MAP3K5: variants seen among roughly 807,000 people sequenced by gnomAD.
MAP3K5 encodes ASK-1.
Under a neutral mutation model 158.7 loss-of-function variants are expected in MAP3K5, and 56 were observed. That is an observed-to-expected ratio of 0.35 (90% CI 0.28 to 0.44). MAP3K5 has a LOEUF of 0.44. Among genes scored for constraint, MAP3K5 ranks in the 20% least tolerant of loss-of-function variants. The pLI is 1.00. For synonymous variants in MAP3K5, 579 were observed against 601.7 expected, an observed-to-expected ratio of 0.96 and a Z score of 0.55; for missense variants, 1,294 against 1,674.8, an observed-to-expected ratio of 0.77 and a Z score of 3.97.
intron 15 of MAP3K5, 135 bp downstream of exon 15, chr6:136,622,713 A>T (rs958244862): frequency 2.1e-6 from 2 of 942,482 alleles, no homozygotes; most frequent in African/African-American, 3.3e-5. Flanking sequence ...GCAGCAGCGA[A>T]ACCTCAGAAG....
At chr6:136,690,944 T>A (rs960906505) in intron 7 of MAP3K5, among the ~76,000 whole-genome samples, 1 of 152,204 alleles carries the variant, frequency 6.6e-6, no homozygotes, top group African/African-American at 2.4e-5. Context: ...CCCCCATATT[T>A]TAAAGACATT....
rs1269001848 is a variant in MAP3K5, at chr6:136,684,668, T to C, written c.1253+9472A>G. ...TTGAAAGCTGGCTCTCCTCCCAGCT[T>C]CTCACCCTCTCTGCTGTCATCTTGC... On this transcript the variant is annotated intron_variant, in intron 7 of 29. Coordinates refer to ENST00000359015, the MANE Select transcript of MAP3K5 (RefSeq NM_005923.4). 2.0e-5 allele frequency among the ~76,000 whole-genome samples: 3 copies of C among 152,102 alleles called. No homozygotes were observed. The East Asian group carries it at 5.8e-4, about 29-fold the overall frequency.
At chr6:136,682,105 T>C (rs1779962477) in intron 7 of MAP3K5, among the ~76,000 whole-genome samples, 2 of 152,174 alleles carry the variant, frequency 1.3e-5, no homozygotes, top group Non-Finnish European at 2.9e-5. Context: ...TAGGTCATCC[T>C]GGAACTAGCG....
intron 2 of MAP3K5, among the ~76,000 whole-genome samples, chr6:136,716,641 A>G (rs1312846648): frequency 6.6e-6 from 1 of 152,228 alleles, no homozygotes; most frequent in Admixed American, 6.5e-5. Context: ...AGGAGTGTCC[A>G]GACTTACTCA....
intron 5 of MAP3K5, among the ~76,000 whole-genome samples, chr6:136,696,741 C>T (rs1780615465): frequency 6.6e-6 from 1 of 152,140 alleles, no homozygotes; most frequent in Admixed American, 6.5e-5. Context: ...TTTTACATTA[C>T]ATATTTTTAA....
intron 1 of MAP3K5, among the ~76,000 whole-genome samples, chr6:136,755,569 T>C (rs1260654803): frequency 6.6e-6 from 1 of 151,168 alleles, no homozygotes; most frequent in East Asian, 1.9e-4. Context: ...ATGAAATAAT[T>C]AGCTGGGCAT....
chr6:136,559,534 T>C (rs963395447), intron 28 of MAP3K5, among the ~76,000 whole-genome samples: 3 of 152,272 alleles, frequency 2.0e-5, no homozygotes, highest in African/African-American at 7.2e-5. Flanking sequence ...AGTTCAATGC[T>C]ACATAGCTTT....
chr6:136,682,922 C>G (rs1314011880), intron 7 of MAP3K5, among the ~76,000 whole-genome samples: 1 of 151,798 alleles, frequency 6.6e-6, no homozygotes, highest in East Asian at 1.9e-4. Flanking sequence ...AAATGTTTAG[C>G]TACATCCAGA....
At chr6:136,690,504 C>T (rs1175147856) in intron 7 of MAP3K5, among the ~76,000 whole-genome samples, 1 of 152,090 alleles carries the variant, frequency 6.6e-6, no homozygotes, top group East Asian at 1.9e-4. Context: ...AACATCCTGG[C>T]TAACAATTGA....
At chr6:136,678,669 A>T (rs773078633) in intron 7 of MAP3K5, among the ~76,000 whole-genome samples, 1 of 151,880 alleles carries the variant, frequency 6.6e-6, no homozygotes, top group Non-Finnish European at 1.5e-5. Flanking sequence ...AGTTATTTCC[A>T]CTCCTGTTGA....
At chr6:136,788,762 G>A (rs1015223043) in intron 1 of MAP3K5, among the ~76,000 whole-genome samples, 10 of 152,152 alleles carry the variant, frequency 6.6e-5, no homozygotes, top group African/African-American at 2.2e-4. Flanking sequence ...AGATGTTGGC[G>A]AGGCTGCAGA....
intron 21 of MAP3K5, among the ~76,000 whole-genome samples, chr6:136,600,181 C>T (rs536854052): frequency 6.7e-6 from 1 of 149,660 alleles, no homozygotes; most frequent in East Asian, 2.0e-4. Context: ...CAACACCATG[C>T]TGTTAATTTT....
At chr6:136,730,140 T>C (rs1311044647) in intron 1 of MAP3K5, among the ~76,000 whole-genome samples, 1 of 145,026 alleles carries the variant, frequency 6.9e-6, no homozygotes, top group Non-Finnish European at 1.5e-5. Flanking sequence ...ACCTGTTTTT[T>C]TGTTGTTTGG....
intron 21 of MAP3K5, among the ~76,000 whole-genome samples, chr6:136,598,465 CTGTCTT>C (rs1158493326): frequency 1.3e-5 from 2 of 152,248 alleles, no homozygotes; most frequent in Non-Finnish European, 2.9e-5. Context: ...ATCAGGAACT[CTGTCTT>C]TATCATCCTT....
intron 1 of MAP3K5, among the ~76,000 whole-genome samples, chr6:136,752,440 C>T (rs1005027912): frequency 2.6e-5 from 4 of 152,152 alleles, no homozygotes; most frequent in Admixed American, 2.6e-4. Flanking sequence ...AAGATGGAGT[C>T]TCGCTCTGTC....
Position 136,559,460 on chromosome 6 carries a change from C to A in MAP3K5, c.3988-584G>T, listed in dbSNP as rs531709594. Among the ~76,000 whole-genome samples the A allele has an allele frequency of 2.9e-4, 44 of 152,334 alleles. 1 individual carries two copies. The highest frequency in any genetic ancestry group is 1.0e-3 in the African/African-American group (43 of 41,576). On this transcript the variant is annotated intron_variant, in intron 28 of 29. Transcript: ENST00000359015. ...TGACACAGAACTTCTGAATGGTCTT[C>A]TAATGAACAGATGAGACTCACTTGT...
At chr6:136,572,045 G>C (rs537135592) in intron 25 of MAP3K5, among the ~76,000 whole-genome samples, 1 of 152,276 alleles carries the variant, frequency 6.6e-6, no homozygotes, top group African/African-American at 2.4e-5. Context: ...TAAACCCAGC[G>C]CTGATTGCAG....
At chr6:136,681,966 A>T (rs1314071861) in intron 7 of MAP3K5, among the ~76,000 whole-genome samples, 1 of 152,184 alleles carries the variant, frequency 6.6e-6, no homozygotes, top group Non-Finnish European at 1.5e-5. Flanking sequence ...GTCATGCCAT[A>T]ACACAGCTTC....
chr6:136,663,542 T>TC (rs398110727), intron 8 of MAP3K5, among the ~76,000 whole-genome samples: 1 of 151,886 alleles, frequency 6.6e-6, no homozygotes, highest in Non-Finnish European at 1.5e-5. Context: ...AGTTTTTTTT[T>TC]CCAAACCAGA....
Sources: gnomAD v4.1 joint callset for allele counts (sites outside exome capture counted in the v4.1 genomes callset) on GRCh38, gnomAD v4.1.1 for gene constraint, MANE v1.5 for transcripts, NCBI Gene and HGNC (gene_info 2026-07-23, HGNC 2026-07-21) for gene names.